The following TSHR variants were observed in gnomAD, a reference collection of about 807,000 sequenced individuals.
The protein encoded by TSHR is thyroid stimulating hormone receptor.
A neutral mutation model predicts 64.1 loss-of-function variants in TSHR; 51 were observed. The ratio of observed to expected loss-of-function variants is 0.80; its 90% CI spans 0.64 to 1.01. The LOEUF is 1.01. Ranked by LOEUF, TSHR falls within the 50% of genes least tolerant of loss-of-function variation. The pLI, the probability that TSHR is intolerant of heterozygous loss-of-function variation, is 0.00. For synonymous variants in TSHR, 361 were observed against 361.9 expected (o/e 1.00, Z 0.03); for missense variants, 877 against 942.8 (o/e 0.93, Z 0.91).
At chr14:81,070,784 C>A (rs1426434641) in intron 3 of TSHR, among the ~76,000 whole-genome samples, 1 of 151,816 alleles carries the variant, frequency 6.6e-6, no homozygotes, top group African/African-American at 2.4e-5. Context: ...TATCTGCCAA[C>A]CCAACCAAAA....
chr14:81,044,851 A>G (rs1246615660), intron 1 of TSHR, among the ~76,000 whole-genome samples: 3 of 152,188 alleles, frequency 2.0e-5, no homozygotes, highest in Non-Finnish European at 4.4e-5. Flanking sequence ...TGATTCCTCA[A>G]CAATGTAGAG....
At chr14:81,037,297 GA>G (rs1488850844) in intron 1 of TSHR, among the ~76,000 whole-genome samples, 1 of 141,208 alleles carries the variant, frequency 7.1e-6, no homozygotes, top group Non-Finnish European at 1.6e-5. Context: ...TAACCACAAA[GA>G]AAAAAATTAC....
chr14:81,023,444 A>G (rs1391443594), intron 1 of TSHR, among the ~76,000 whole-genome samples: 1 of 152,130 alleles, frequency 6.6e-6, no homozygotes, highest in Non-Finnish European at 1.5e-5. Flanking sequence ...AATCCTTTCC[A>G]GGGTACTGGG....
At chr14:81,005,636 A>G (rs547184635) in intron 1 of TSHR, among the ~76,000 whole-genome samples, 1 of 152,278 alleles carries the variant, frequency 6.6e-6, no homozygotes, top group African/African-American at 2.4e-5. Flanking sequence ...ATGCCATTCA[A>G]GACAAGCATT....
intron 2 of TSHR, 146 bp downstream of exon 2, chr14:81,062,365 A>AC (rs1000600036): frequency 8.3e-6 from 5 of 602,838 alleles, no homozygotes; most frequent in Non-Finnish European, 1.4e-5. Context: ...TATGTACATG[A>AC]TTTTTATTTC....
At position 81,026,324 on chromosome 14, in the gene TSHR, C is replaced by T. The variant is rs183453407; in HGVS notation, c.171-35824C>T. On this transcript the variant is annotated intron_variant, in intron 1 of 9. Transcript: ENST00000298171. ...GTAAAGAAAGATTACAGCTAAACCA[C>T]ACAATCGACATACTTGTGTGTATGT... Among the ~76,000 whole-genome samples, 13 of 152,278 alleles carry T rather than the reference C, an allele frequency of 8.5e-5. No individual in the cohort carries two copies. In the East Asian group the frequency reaches 2.3e-3, roughly 27 times the overall value.
chr14:81,016,038 T>C (rs565915586), intron 1 of TSHR, among the ~76,000 whole-genome samples: 2 of 152,336 alleles, frequency 1.3e-5, no homozygotes, highest in African/African-American at 2.4e-5. Context: ...ATGGACACTT[T>C]GGCTGATTCC....
At chr14:81,037,209 C>T (rs11159484) in intron 1 of TSHR, among the ~76,000 whole-genome samples, 36,760 of 151,114 alleles carry the variant, frequency 0.24, 4,583 homozygotes, top group South Asian at 0.33. Flanking sequence ...AGAATACTTG[C>T]ATGTAGCCAA....
At chr14:81,126,479 G>C (rs1891025279) in intron 8 of TSHR, among the ~76,000 whole-genome samples, 1 of 152,168 alleles carries the variant, frequency 6.6e-6, no homozygotes, top group Non-Finnish European at 1.5e-5. Context: ...AAGTAAACTA[G>C]ATAGCTTTTC....
intron 7 of TSHR, among the ~76,000 whole-genome samples, chr14:81,106,207 G>A (rs912135014): frequency 6.6e-6 from 1 of 152,164 alleles, no homozygotes; most frequent in Non-Finnish European, 1.5e-5. Flanking sequence ...ACCAGAAGAT[G>A]CCAAGTTTGG....
At chr14:81,036,770 A>G (rs1799385635) in intron 1 of TSHR, among the ~76,000 whole-genome samples, 1 of 152,230 alleles carries the variant, frequency 6.6e-6, no homozygotes, top group Non-Finnish European at 1.5e-5. Flanking sequence ...AAAATGGTCA[A>G]TGATTACTAT....
At chr14:81,084,867 G>C (rs762587616) in intron 3 of TSHR, among the ~76,000 whole-genome samples, 5 of 152,190 alleles carry the variant, frequency 3.3e-5, no homozygotes, top group Non-Finnish European at 7.3e-5. Context: ...TCTCTGATTA[G>C]ATGTTCTTTT....
intron 1 of TSHR, among the ~76,000 whole-genome samples, chr14:81,037,486 C>T (rs1481174600): frequency 1.3e-5 from 2 of 149,748 alleles, no homozygotes; most frequent in African/African-American, 4.9e-5. Context: ...AGAGTAAGTT[C>T]TTACCTATCA....
chr14:80,985,133 C>T (rs368808019), intron 1 of TSHR, among the ~76,000 whole-genome samples: 3 of 152,250 alleles, frequency 2.0e-5, no homozygotes, highest in East Asian at 3.9e-4. Context: ...GCCTGTAGTC[C>T]CAGCTACTCA....
intron 3 of TSHR, among the ~76,000 whole-genome samples, chr14:81,073,994 T>C (rs2139928035): frequency 6.6e-6 from 1 of 152,264 alleles, no homozygotes; most frequent in South Asian, 2.1e-4. Flanking sequence ...ACCCCATTGA[T>C]CTTAAAAGCA....
chr14:81,090,371 A>G (rs1290243857), intron 4 of TSHR, among the ~76,000 whole-genome samples: 1 of 152,166 alleles, frequency 6.6e-6, no homozygotes, highest in Non-Finnish European at 1.5e-5. Context: ...CAGCCTCCCA[A>G]GTAGCTGGGA....
At chr14:81,042,132 AC>A (rs886315907) in intron 1 of TSHR, among the ~76,000 whole-genome samples, 2 of 152,186 alleles carry the variant, frequency 1.3e-5, no homozygotes, top group Non-Finnish European at 2.9e-5. Context: ...TTCTCAAAAT[AC>A]CAAAAAATGA....
intron 8 of TSHR, among the ~76,000 whole-genome samples, chr14:81,120,851 T>C (rs535725063): frequency 2.0e-5 from 3 of 152,266 alleles, no homozygotes; most frequent in African/African-American, 7.2e-5. Context: ...ATGTTTTACA[T>C]GTGCAAAACA....
intron 1 of TSHR, among the ~76,000 whole-genome samples, chr14:80,999,811 A>C (rs956029308): frequency 6.6e-6 from 1 of 152,212 alleles, no homozygotes; most frequent in Non-Finnish European, 1.5e-5. Flanking sequence ...CTTTGGCAAA[A>C]GGAATATAAA....
Sources: gnomAD v4.1 joint callset for allele counts (sites outside exome capture counted in the v4.1 genomes callset) on GRCh38, gnomAD v4.1.1 for gene constraint, MANE v1.5 for transcripts, NCBI Gene and HGNC (gene_info 2026-07-23, HGNC 2026-07-21) for gene names.